SIGLEC11: variants seen among roughly 807,000 people sequenced by gnomAD.
SIGLEC11 encodes the protein sialic acid-binding Ig-like lectin 11.
In SIGLEC11, 47 loss-of-function variants were observed where a neutral mutation model predicts 61.2. The ratio of observed to expected loss-of-function variants is 0.77; its 90% CI spans 0.61 to 0.98. SIGLEC11 has a LOEUF of 0.98. SIGLEC11 is among the 50% of genes least tolerant of loss of function. The pLI is 0.00. For missense variants in SIGLEC11, 610 were observed against 870.3 expected, an observed-to-expected ratio of 0.70 and a Z score of 3.76; for synonymous variants, 278 against 373.1, an observed-to-expected ratio of 0.75 and a Z score of 2.94.
chr19:49,958,842 G>A lies in SIGLEC11; in HGVS notation c.1164C>T (p.Arg388=), dbSNP rs150050230. 279 of 1,609,816 alleles carry A rather than the reference G, an allele frequency of 1.7e-4. 1 individual carries two copies. Among genetic ancestry groups the A allele is most frequent in the Middle Eastern group, 3.3e-4 (2 of 6,052 alleles). ...GGCTGCTGTGGGTGACACAGACCAG[G>A]CGCAGGCTTTGGCCCTCCAGGACCG... ...SLPVLEGQSL[R]LVCVTHSSPP... is the part of the protein sequence containing the mutation. The change falls in exon 7 of 11, where the codon CGC becomes CGT. Residue 388 remains arginine (R), a synonymous_variant. Coordinates refer to ENST00000447370, the MANE Select transcript of SIGLEC11 (RefSeq NM_052884.3).
rs2076158255 is a variant in SIGLEC11 at position 49,951,572 on chromosome 19, TGAG to T, written c.1830+316_1830+318del. 6.6e-6 allele frequency among the ~76,000 whole-genome samples: 1 copy of T among 151,882 alleles called. No homozygotes were observed. The highest frequency in any genetic ancestry group is 2.4e-5 in the African/African-American group (1 of 41,302). ...GAAAGGACTCTCTGGCATCCTGTGT[TGAG>T]GAGGAGAGATAGGAGGGAGGGCAAA... On this transcript the variant is annotated intron_variant, in intron 10 of 10. Coordinates refer to ENST00000447370, the MANE Select transcript of SIGLEC11 (RefSeq NM_052884.3). This position sits in a 1 kb window ranked among gnomAD's most constrained non-coding sequence, Gnocchi z 4.6.
At chr19:49,958,946 G>A (rs1182372638) in intron 6 of SIGLEC11, 46 bp from the exon 7 acceptor site, 1 of 1,611,748 alleles carries the variant, frequency 6.2e-7, no homozygotes, top group Non-Finnish European at 8.5e-7. Flanking sequence ...AGGGCTCAGG[G>A]ACCCTCCTGT....
chr19:49,952,977 G>A (rs551413077), intron 8 of SIGLEC11, among the ~76,000 whole-genome samples: 2 of 152,264 alleles, frequency 1.3e-5, no homozygotes, highest in African/African-American at 4.8e-5. Context: ...CCACTGAGCC[G>A]GTTTGCACCT....
At position 49,958,246 on chromosome 19, in the gene SIGLEC11, T is replaced by C. The variant is rs770447847; in HGVS notation, c.1651+37A>G. On this transcript the variant is annotated intron_variant, in intron 8 of 10. Coordinates refer to ENST00000447370, the MANE Select transcript of SIGLEC11 (RefSeq NM_052884.3). ...TTCATCTTTCTAGGATCCTGTCTCC[T>C]TTCTCCCTGAACCTCAGCCCCCCAC... The C allele has an allele frequency of 5.0e-6, 8 of 1,604,590 alleles. No homozygotes were observed. In the East Asian group the frequency reaches 1.8e-4, roughly 36 times the overall value.
intron 10 of SIGLEC11, 151 bp from the exon 11 acceptor site, chr19:49,950,387 C>T: frequency 1.3e-6 from 1 of 773,396 alleles, no homozygotes; most frequent in Non-Finnish European, 1.9e-6. Flanking sequence ...TTCACTCATT[C>T]ATTCATTCAC....
At position 49,952,330 on chromosome 19, in the gene SIGLEC11, C is replaced by T. The variant is rs1401482941; in HGVS notation, c.1716G>A (p.Leu572=). Reference sequence around the variant, plus strand: ...CGACAAGGCAGGAACAGAAAGCGAGCAGGGCAGCGACGCCAGCTCCCAGGG... The same window carrying T: ...CGACAAGGCAGGAACAGAAAGCGAGTAGGGCAGCGACGCCAGCTCCCAGGG... ...GAALGAGVAA[L]LAFCSCLVVF... Residue 572 remains leucine, a synonymous_variant, in exon 9 of 11, where the codon CTG becomes CTA. Coordinates refer to ENST00000447370, the MANE Select transcript of SIGLEC11 (RefSeq NM_052884.3). 2 of 1,611,916 alleles carry T rather than the reference C, an allele frequency of 1.2e-6. No individual in the cohort carries two copies. The highest frequency in any genetic ancestry group is 1.7e-6 in the Non-Finnish European group (2 of 1,179,972).
rs144054317 is a variant in SIGLEC11, at chr19:49,958,663, G to A, written c.1343C>T (p.Ser448Phe). 393 of 1,602,754 alleles carry A rather than the reference G, an allele frequency of 2.5e-4. No individual in the cohort carries two copies. The highest frequency in any genetic ancestry group is 3.2e-4 in the Non-Finnish European group (372 of 1,174,442). The change falls in exon 7 of 11, where the codon TCT becomes TTT. Residue 448 changes from serine (S) to phenylalanine (F), a missense_variant. Ser to Phe is a radical substitution (Grantham distance 155). Transcript: ENST00000447370. ...AQHPLGSQHV[S>F]LSLSVHYPPQ... ...CTCACAGTGCACGGAGAGGCTGAGA[G>A]AGACGTGCTGGGAGCCCAGAGGGTG...
intron 8 of SIGLEC11, among the ~76,000 whole-genome samples, chr19:49,956,729 AT>A (rs1420413543): frequency 6.6e-6 from 1 of 152,234 alleles, no homozygotes; most frequent in African/African-American, 2.4e-5. Context: ...CCACACTCCT[AT>A]TTACATGCTT....
intron 8 of SIGLEC11, 80 bp from the exon 9 acceptor site, chr19:49,952,474 C>G (rs1444644223): frequency 9.9e-7 from 1 of 1,013,008 alleles, no homozygotes; most frequent in African/African-American, 1.6e-5. Context: ...ACCTAGAGCT[C>G]TCGGATTCTT....
In SIGLEC11 at chr19:49,958,325, C is replaced by T. The variant is rs748694469; in HGVS notation, c.1609G>A (p.Val537Ile). The change falls in exon 8 of 11, where the codon GTC becomes ATC. Residue 537 changes from valine to isoleucine, a missense_variant. Val to Ile is a conservative substitution (Grantham distance 29). This residue lies in a region of SIGLEC11 where 432 missense variants were observed against 441.5 expected (regional missense o/e 0.98). Transcript: ENST00000447370. The stretch of plus-strand genomic sequence containing the variant: ...ACAGAGCCACTCTGGGCCCCGTGGA[C>T]GTTCCAGGCCTTACAGCGGAGCCTG... Reference protein sequence around the residue: ...GLRLRCKAWNVHGAQSGSVFQ... With the variant: ...GLRLRCKAWNIHGAQSGSVFQ... 41 of 1,614,190 alleles carry T rather than the reference C, an allele frequency of 2.5e-5. No individual in the cohort carries two copies. The highest frequency in any genetic ancestry group is 1.6e-4 in the Middle Eastern group (1 of 6,062).
rs143750227 is a variant in SIGLEC11, at chr19:49,950,069, G to C, written c.1998C>G (p.Thr666=). Residue 666 remains threonine, a synonymous_variant, in exon 11 of 11, where the codon ACC becomes ACG. Coordinates refer to ENST00000447370, the MANE Select transcript of SIGLEC11 (RefSeq NM_052884.3). The part of the protein sequence containing the change: ...EPADQEAPST[T]EYSEIKIHTG... ...TGTGGATCTTGATCTCCGAGTACTC[G>C]GTGGTGCTGGGGGCCTCCTGGTCCG... The C allele has an allele frequency of 1.3e-6, 2 of 1,597,624 alleles. No individual in the cohort carries two copies. Among genetic ancestry groups the C allele is most frequent in the Non-Finnish European group, 1.7e-6 (2 of 1,170,522 alleles).
At chr19:49,954,187 G>A (rs560937010) in intron 8 of SIGLEC11, among the ~76,000 whole-genome samples, 68 of 152,242 alleles carry the variant, frequency 4.5e-4, no homozygotes, top group Middle Eastern at 3.4e-3. Flanking sequence ...CAGCTTCACC[G>A]ACTGACACGA....
In SIGLEC11 at chr19:49,952,308, C is replaced by G. The variant is rs1394406996; in HGVS notation, c.1738G>C (p.Val580Leu). The G allele has an allele frequency of 1.2e-6, 2 of 1,612,788 alleles. No homozygotes were observed. The highest frequency in any genetic ancestry group is 3.3e-5 in the Admixed American group (2 of 59,998). ...CCCTCCGATGCTTACCTGAAGACGA[C>G]AAGGCAGGAACAGAAAGCGAGCAGG... is the stretch of plus-strand genomic sequence containing the variant. ...AALLAFCSCL[V>L]VFRVKICRKE... Residue 580 changes from valine to leucine, a missense_variant, in exon 9 of 11, where the codon GTC (valine) becomes CTC (leucine). Physicochemically the swap from Val to Leu is conservative, Grantham distance 32 (BLOSUM62 1). Coordinates refer to ENST00000447370, the MANE Select transcript of SIGLEC11 (RefSeq NM_052884.3).
intron 8 of SIGLEC11, among the ~76,000 whole-genome samples, chr19:49,953,140 C>T (rs2076170385): frequency 6.6e-6 from 1 of 152,158 alleles, no homozygotes; most frequent in South Asian, 2.1e-4. Context: ...GACCTGTGAC[C>T]CCAGGTGCCA....
At chr19:49,957,444 C>T (rs1211327283) in intron 8 of SIGLEC11, among the ~76,000 whole-genome samples, 1 of 150,202 alleles carries the variant, frequency 6.7e-6, no homozygotes, top group Non-Finnish European at 1.5e-5. Flanking sequence ...ACTTCAAGGA[C>T]AGGTATAAAA....
chr19:49,956,836 G>T (rs545215197), intron 8 of SIGLEC11, among the ~76,000 whole-genome samples: 5 of 151,568 alleles, frequency 3.3e-5, no homozygotes, highest in Admixed American at 6.6e-5. Context: ...CAAAAATGAA[G>T]AATGTTATCT....
rs770403078 is a variant in SIGLEC11 at position 49,959,435 on chromosome 19, C to T, written c.982G>A (p.Asp328Asn). 5 of 1,595,758 alleles carry T rather than the reference C, an allele frequency of 3.1e-6. No homozygotes were observed. Among genetic ancestry groups the T allele is most frequent in the Non-Finnish European group, 4.2e-6 (5 of 1,179,220 alleles). ...GLELRGVRAG[D>N]SGRYTCRAEN... ...GCTCGGCAGGTGTAGCGCCCTGAATCCCCGGCCCTTACCCCACGCAGCTCC... is the reference window on the plus strand; with the variant it reads ...GCTCGGCAGGTGTAGCGCCCTGAATTCCCGGCCCTTACCCCACGCAGCTCC... Residue 328 changes from aspartate (D) to asparagine (N), a missense_variant, in exon 5 of 11, where the codon GAT (aspartate) becomes AAT (asparagine). Around this residue, in one of 6 missense-constraint regions of SIGLEC11, gnomAD observed 28 missense variants for 66.9 expected, o/e 0.42. Transcript: ENST00000447370.
Position 49,958,874 on chromosome 19 carries a change from A to G in SIGLEC11, c.1132T>C (p.Ser378Pro). 1 of 1,602,610 alleles carries G rather than the reference A, an allele frequency of 6.2e-7. No homozygotes were observed. Residue 378 changes from serine to proline, a missense_variant, in exon 7 of 11, where the codon TCC (serine) becomes CCC (proline). Physicochemically the swap from Ser to Pro is moderately conservative, Grantham distance 74. This residue lies in a region of SIGLEC11 where 432 missense variants were observed against 441.5 expected (regional missense o/e 0.98). Transcript: ENST00000447370. ...CTTTGGCCCTCCAGGACCGGGAGGG[A>G]TGTGCCGTTCCCGAGGTTTTCCAGG... ...TVLENLGNGT[S>P]LPVLEGQSLR...
At chr19:49,952,474 C>A in intron 8 of SIGLEC11, 80 bp from the exon 9 acceptor site, 1 of 1,013,008 alleles carries the variant, frequency 9.9e-7, no homozygotes, top group Non-Finnish European at 1.4e-6. Flanking sequence ...ACCTAGAGCT[C>A]TCGGATTCTT....
Sources: allele counts gnomAD v4.1 joint callset (sites outside exome capture counted in the v4.1 genomes callset), GRCh38; gene constraint gnomAD v4.1.1; regional missense constraint gnomAD v4.1.1; non-coding constraint Gnocchi (gnomAD v3.1); transcripts MANE v1.5; gene names NCBI Gene and HGNC (gene_info 2026-07-23, HGNC 2026-07-21).